KANK1: variants seen among roughly 807,000 people sequenced by gnomAD.
KANK1 encodes the protein KN motif and ankyrin repeat domain-containing protein 1.
KANK1 carries 109 observed loss-of-function variants against 106.2 expected under a neutral mutation model. That is an observed-to-expected ratio of 1.03 (90% CI 0.88 to 1.20). The LOEUF (loss-of-function observed/expected upper bound fraction) is 1.20, where lower values mean the gene tolerates loss of function less well. Ranked by LOEUF, KANK1 falls within the 50% of genes most tolerant of loss-of-function variation. The pLI is 0.00. For missense variants in KANK1, 2,399 were observed against 1,710.7 expected (o/e 1.40, Z -7.10); for synonymous variants, 873 against 652.2 (o/e 1.34, Z -5.16).
chr9:509,919 G>C (rs1412797552), intron 1 of KANK1, among the ~76,000 whole-genome samples: 3 of 151,990 alleles, frequency 2.0e-5, no homozygotes, highest in Non-Finnish European at 2.9e-5. Flanking sequence ...GCCTCAGCCT[G>C]CCTCCCGAGT....
intron 1 of KANK1, among the ~76,000 whole-genome samples, chr9:565,232 C>T (rs536736341): frequency 6.6e-6 from 1 of 152,292 alleles, no homozygotes; most frequent in South Asian, 2.1e-4. Context: ...ATTCAACTCC[C>T]TGACTAGTTA....
At chr9:550,449 T>C (rs2061209756) in intron 1 of KANK1, among the ~76,000 whole-genome samples, 1 of 152,162 alleles carries the variant, frequency 6.6e-6, no homozygotes, top group African/African-American at 2.4e-5. Flanking sequence ...ATAAGGTATC[T>C]TATCAAAACA....
intron 1 of KANK1, among the ~76,000 whole-genome samples, chr9:675,475 A>G (rs1202109499): frequency 1.3e-5 from 2 of 152,168 alleles, no homozygotes; most frequent in Non-Finnish European, 2.9e-5. Context: ...AGGTATTTGC[A>G]AAAACCAAAG....
chr9:706,422 T>C (rs1824175633), intron 2 of KANK1, among the ~76,000 whole-genome samples: 2 of 152,296 alleles, frequency 1.3e-5, no homozygotes, highest in Non-Finnish European at 2.9e-5. Context: ...AATACTGATG[T>C]TGAGTCAGTT....
intron 2 of KANK1, among the ~76,000 whole-genome samples, chr9:681,594 A>T (rs1049807908): frequency 6.6e-6 from 1 of 152,212 alleles, no homozygotes; most frequent in Admixed American, 6.5e-5. Flanking sequence ...GTGCAGGGAA[A>T]AAAAGAATAG....
At chr9:512,663 T>A (rs769122496) in intron 1 of KANK1, among the ~76,000 whole-genome samples, 1 of 152,092 alleles carries the variant, frequency 6.6e-6, no homozygotes, top group Non-Finnish European at 1.5e-5. Flanking sequence ...GCCAAACTAT[T>A]GGTTGTAGCA....
At chr9:552,871 G>A (rs558795608) in intron 1 of KANK1, among the ~76,000 whole-genome samples, 5 of 152,188 alleles carry the variant, frequency 3.3e-5, no homozygotes, top group East Asian at 1.9e-4. Context: ...GTGGCTGGCC[G>A]CAGTGGCTCA....
At chr9:554,299 C>T (rs899478982) in intron 1 of KANK1, among the ~76,000 whole-genome samples, 21 of 152,230 alleles carry the variant, frequency 1.4e-4, no homozygotes, top group Middle Eastern at 3.4e-3. Flanking sequence ...GAACCAGGTG[C>T]GCTGATGTCT....
At chr9:689,914 C>T (rs1819468586) in intron 2 of KANK1, among the ~76,000 whole-genome samples, 1 of 151,848 alleles carries the variant, frequency 6.6e-6, no homozygotes, top group Admixed American at 6.6e-5. Context: ...TTACCTGAGC[C>T]AGAAAGGGTG....
intron 3 of KANK1, among the ~76,000 whole-genome samples, chr9:490,042 T>A (rs1439734057): frequency 6.6e-6 from 1 of 152,204 alleles, no homozygotes; most frequent in African/African-American, 2.4e-5. Flanking sequence ...TAAAGATAAA[T>A]ATTTGTTCAG....
intron 1 of KANK1, among the ~76,000 whole-genome samples, chr9:568,325 A>G (rs76883723): frequency 0.014 from 2,065 of 152,320 alleles, 52 homozygotes; most frequent in African/African-American, 0.048. Flanking sequence ...TTTATAAAGT[A>G]AGCATTTCCT....
intron 1 of KANK1, among the ~76,000 whole-genome samples, chr9:613,449 C>T (rs1432252456): frequency 6.6e-6 from 1 of 151,974 alleles, no homozygotes; most frequent in Non-Finnish European, 1.5e-5. Flanking sequence ...TTGTAAACTT[C>T]TTAAAACATG....
Position 730,241 on chromosome 9 carries a change from C to T in KANK1, c.2889C>T (p.Gly963=). ...VNLTDDQIAA[G]LYACTNNEST... ...TGACAGACGACCAGATCGCCGCTGG[C>T]CTCTATGGTAACTTTTCTCACTCAC... The change falls in exon 4 of 12, where the codon GGC becomes GGT. Residue 963 remains glycine, a synonymous_variant. Transcript: ENST00000382297. 6.2e-7 allele frequency: 1 copy of T among 1,614,146 alleles called. No individual in the cohort carries two copies. The highest frequency in any genetic ancestry group is 8.5e-7 in the Non-Finnish European group (1 of 1,179,984).
At chr9:524,112 C>T (rs1397782177) in intron 1 of KANK1, among the ~76,000 whole-genome samples, 2 of 151,714 alleles carry the variant, frequency 1.3e-5, no homozygotes, top group South Asian at 2.1e-4. Context: ...ACGTTTATTT[C>T]CTTGATGAAC....
intron 1 of KANK1, among the ~76,000 whole-genome samples, chr9:519,836 C>A (rs1398849510): frequency 6.6e-6 from 1 of 151,720 alleles, no homozygotes; most frequent in Non-Finnish European, 1.5e-5. Flanking sequence ...TTAGATTTTT[C>A]TCCTCCCCTT....
chr9:579,185 C>T (rs773855839), intron 1 of KANK1, among the ~76,000 whole-genome samples: 2 of 152,146 alleles, frequency 1.3e-5, no homozygotes, highest in Non-Finnish European at 2.9e-5. Flanking sequence ...GTGCCCTCCA[C>T]GTAGCCTTCC....
At chr9:548,720 T>G (rs1228512008) in intron 1 of KANK1, among the ~76,000 whole-genome samples, 1 of 152,196 alleles carries the variant, frequency 6.6e-6, no homozygotes, top group Non-Finnish European at 1.5e-5. Context: ...GAATTGAATT[T>G]AATTAAAATT....
chr9:656,098 C>T (rs901821504), intron 1 of KANK1, among the ~76,000 whole-genome samples: 4 of 152,180 alleles, frequency 2.6e-5, no homozygotes, highest in African/African-American at 4.8e-5. Flanking sequence ...ACCGCAGGCT[C>T]TGGGAGCCAG....
chr9:616,014 T>C (rs951408600), intron 1 of KANK1, among the ~76,000 whole-genome samples: 8 of 152,198 alleles, frequency 5.3e-5, no homozygotes, highest in Non-Finnish European at 1.0e-4. Flanking sequence ...GGAAGGTTTC[T>C]CATATTAAGG....
Sources: gnomAD v4.1 joint callset for allele counts (sites outside exome capture counted in the v4.1 genomes callset) on GRCh38, gnomAD v4.1.1 for gene constraint, MANE v1.5 for transcripts, NCBI Gene and HGNC (gene_info 2026-07-23, HGNC 2026-07-21) for gene names.